Variants in GRM8 observed in about 807,000 individuals in gnomAD.
GRM8 encodes glutamate metabotropic receptor 8.
Under a neutral mutation model 87.2 loss-of-function variants are expected in GRM8, and 47 were observed. That is an observed-to-expected ratio of 0.54 (90% CI 0.43 to 0.69). The LOEUF is 0.69. GRM8 is among the 30% of genes least tolerant of loss of function. The probability of loss-of-function intolerance (pLI) is 0.00; values close to 1 mark genes in which losing one functional copy is unlikely to be tolerated. For missense variants in GRM8, 1,019 were observed against 1,139.2 expected, an observed-to-expected ratio of 0.89 and a Z score of 1.52; for synonymous variants, 396 against 404.5, an observed-to-expected ratio of 0.98 and a Z score of 0.25.
chr7:126,611,423 A>C (rs1022548989), intron 7 of GRM8, among the ~76,000 whole-genome samples: 3 of 152,194 alleles, frequency 2.0e-5, no homozygotes, highest in African/African-American at 7.2e-5. Flanking sequence ...CTTTCAGTAC[A>C]CACCAACACA....
chr7:127,110,985 C>A (rs1826292062), intron 2 of GRM8: 1 of 152,202 alleles, frequency 6.6e-6, no homozygotes, highest in South Asian at 2.1e-4. Flanking sequence ...CCTCTTCTCT[C>A]CATATTCCAC....
At chr7:126,881,345 C>T (rs1384845468) in intron 6 of GRM8, among the ~76,000 whole-genome samples, 1 of 152,288 alleles carries the variant, frequency 6.6e-6, no homozygotes, top group South Asian at 2.1e-4. Flanking sequence ...CAGAGGAGAA[C>T]AGGGTGAAGG....
At chr7:127,101,861 G>A (rs1305068983) in intron 3 of GRM8, among the ~76,000 whole-genome samples, 1 of 152,180 alleles carries the variant, frequency 6.6e-6, no homozygotes, top group Non-Finnish European at 1.5e-5. Context: ...GGGCTCAGAA[G>A]AAGACAGGAA....
chr7:127,205,815 T>C (rs17869488), intron 2 of GRM8, among the ~76,000 whole-genome samples: 3,992 of 152,278 alleles, frequency 0.026, 164 homozygotes, highest in African/African-American at 0.09. Flanking sequence ...ACCTTTCTCT[T>C]CACCCAGGCT....
chr7:127,075,545 A>G (rs1822169996), intron 3 of GRM8, among the ~76,000 whole-genome samples: 1 of 152,210 alleles, frequency 6.6e-6, no homozygotes, highest in African/African-American at 2.4e-5. Context: ...CTAACAACAG[A>G]GAAATCAGGA....
At chr7:126,613,101 T>C (rs895417396) in intron 7 of GRM8, among the ~76,000 whole-genome samples, 1 of 152,198 alleles carries the variant, frequency 6.6e-6, no homozygotes, top group Non-Finnish European at 1.5e-5. Context: ...ACTGATTCCA[T>C]TACATATTGA....
chr7:126,836,014 A>C (rs990899093), intron 6 of GRM8, among the ~76,000 whole-genome samples: 2 of 152,226 alleles, frequency 1.3e-5, no homozygotes, highest in African/African-American at 4.8e-5. Context: ...CCATATTTTT[A>C]AAAAATTCCT....
chr7:127,179,861 G>A (rs1794334224), intron 2 of GRM8, among the ~76,000 whole-genome samples: 1 of 152,024 alleles, frequency 6.6e-6, no homozygotes, highest in Non-Finnish European at 1.5e-5. Context: ...GTGCTAAGAG[G>A]AAAGTTCATA....
intron 9 of GRM8, among the ~76,000 whole-genome samples, chr7:126,518,038 T>G (rs1812429175): frequency 6.6e-6 from 1 of 152,048 alleles, no homozygotes; most frequent in Admixed American, 6.6e-5. Context: ...CTTAACTGGT[T>G]CTTGTCACCA....
At chr7:127,178,748 A>G (rs1163299382) in intron 2 of GRM8, among the ~76,000 whole-genome samples, 2 of 152,232 alleles carry the variant, frequency 1.3e-5, no homozygotes, top group African/African-American at 4.8e-5. Context: ...TAAGCATCAT[A>G]TACGAAGGAA....
chr7:127,176,214 A>G (rs1794097963), intron 2 of GRM8, among the ~76,000 whole-genome samples: 1 of 152,230 alleles, frequency 6.6e-6, no homozygotes, highest in Non-Finnish European at 1.5e-5. Flanking sequence ...GAGATAAAAT[A>G]AAATCACATG....
intron 9 of GRM8, among the ~76,000 whole-genome samples, chr7:126,458,422 T>C (rs1010459844): frequency 5.3e-5 from 8 of 151,228 alleles, no homozygotes; most frequent in African/African-American, 1.9e-4. Flanking sequence ...ATGCAAGATA[T>C]AATCATTAAA....
intron 3 of GRM8, among the ~76,000 whole-genome samples, chr7:126,961,571 CT>C (rs1809325848): frequency 6.6e-6 from 1 of 152,198 alleles, no homozygotes; most frequent in Non-Finnish European, 1.5e-5. Flanking sequence ...CCACACTCTG[CT>C]TAAGTGGCCT....
intron 8 of GRM8, among the ~76,000 whole-genome samples, chr7:126,604,910 A>G (rs1377304368): frequency 1.3e-5 from 2 of 152,138 alleles, no homozygotes; most frequent in Non-Finnish European, 1.5e-5. Context: ...GCCACTAATA[A>G]TTGGGCAGAT....
intron 6 of GRM8, among the ~76,000 whole-genome samples, chr7:126,825,697 G>A (rs936846954): frequency 2.0e-5 from 3 of 151,984 alleles, no homozygotes; most frequent in Non-Finnish European, 4.4e-5. Context: ...CTAAACATTG[G>A]TTAAAAAAAG....
chr7:127,192,012 T>C (rs1042503367), intron 2 of GRM8, among the ~76,000 whole-genome samples: 2 of 152,176 alleles, frequency 1.3e-5, no homozygotes, highest in Non-Finnish European at 2.9e-5. Context: ...TTTCAATTTG[T>C]GGTAGCAAAC....
At chr7:126,867,403 C>T (rs1798694117) in intron 6 of GRM8, among the ~76,000 whole-genome samples, 1 of 152,098 alleles carries the variant, frequency 6.6e-6, no homozygotes, top group African/African-American at 2.4e-5. Flanking sequence ...ACTTTCTTAC[C>T]CAAACCACTG....
chr7:127,008,833 G>A (rs181315279), intron 3 of GRM8, among the ~76,000 whole-genome samples: 11 of 151,996 alleles, frequency 7.2e-5, no homozygotes, highest in African/African-American at 2.4e-4. Flanking sequence ...ATATATATCC[G>A]TTGCTCATCA....
At chr7:126,695,576 A>T (rs76813939) in intron 7 of GRM8, among the ~76,000 whole-genome samples, 330 of 152,308 alleles carry the variant, frequency 2.2e-3, no homozygotes, top group African/African-American at 7.3e-3. Context: ...TGCTGTGAGA[A>T]ATAACCTATT....
Sources: gnomAD v4.1 joint callset for allele counts (sites outside exome capture counted in the v4.1 genomes callset) on GRCh38, gnomAD v4.1.1 for gene constraint, MANE v1.5 for transcripts, NCBI Gene and HGNC (gene_info 2026-07-23, HGNC 2026-07-21) for gene names.